The following DGCR8 variants were observed in gnomAD, a reference collection of about 807,000 sequenced individuals.
The protein encoded by DGCR8 is microprocessor complex subunit DGCR8.
Under a neutral mutation model 78.5 loss-of-function variants are expected in DGCR8, and 14 were observed. That is an observed-to-expected ratio of 0.18 (90% CI 0.12 to 0.28). DGCR8 has a LOEUF of 0.28. DGCR8 is among the 10% of genes least tolerant of loss of function. The pLI is 1.00. For missense variants in DGCR8, 702 were observed against 1,022.5 expected (o/e 0.69, Z 4.28); for synonymous variants, 399 against 402.4 (o/e 0.99, Z 0.10).
chr22:20,086,780 A>T lies in DGCR8; in HGVS notation c.720+97A>T, dbSNP rs1005684791. ...TTTGAAAGCAGGGAAATTAAAAAAA[A>T]AAAAAACAAAAACCAAAATCCCCTC... On this transcript the variant is annotated intron_variant, in intron 2 of 13. Coordinates refer to ENST00000351989, the MANE Select transcript of DGCR8 (RefSeq NM_022720.7). The surrounding 1 kb of genome is among the most constrained non-coding windows in gnomAD (Gnocchi z 6.4). The T allele has an allele frequency of 7.0e-7, 1 of 1,421,764 alleles. No individual in the cohort carries two copies. Among genetic ancestry groups the T allele is most frequent in the East Asian group, 2.3e-5 (1 of 43,580 alleles). The allele number at this position is 1,421,764 out of a possible 1,614,324, so 88.1% of individuals were successfully genotyped here.
chr22:20,092,297 C>T (rs1257118003), intron 7 of DGCR8, among the ~76,000 whole-genome samples: 1 of 152,182 alleles, frequency 6.6e-6, no homozygotes, highest in East Asian at 1.9e-4. Context: ...GGGTCCTTTC[C>T]CTGGTCTCCT....
chr22:20,111,359 T>A lies in DGCR8; in HGVS notation c.*1251T>A. On this transcript the variant is annotated 3_prime_UTR_variant, in exon 14 of 14. Coordinates refer to ENST00000351989, the MANE Select transcript of DGCR8 (RefSeq NM_022720.7). Reference sequence around the variant, plus strand: ...CCATGCCCCCTACAGGCGGTACTGATGGCGCTTTTTTTTTTTTTTCTGTCA... The same window carrying A: ...CCATGCCCCCTACAGGCGGTACTGAAGGCGCTTTTTTTTTTTTTTCTGTCA... 2.6e-6 allele frequency: 1 copy of A among 388,094 alleles called. No individual in the cohort carries two copies. Among genetic ancestry groups the A allele is most frequent in the East Asian group, 3.7e-5 (1 of 27,288 alleles). 24.0% of individuals were successfully genotyped at this position (388,094 alleles called of 1,614,324 possible).
At chr22:20,107,808 T>C in intron 12 of DGCR8, 1 of 240,508 alleles carries the variant, frequency 4.2e-6, no homozygotes, top group East Asian at 9.6e-5. Context: ...CCAGTGCCGG[T>C]CCATCTCTAA....
At position 20,091,642 on chromosome 22, in the gene DGCR8, T is replaced by G. The variant is rs1175155669; in HGVS notation, c.1504+10T>G. 1 of 1,611,930 alleles carries G rather than the reference T, an allele frequency of 6.2e-7. No individual in the cohort carries two copies. The highest frequency in any genetic ancestry group is 1.3e-5 in the African/African-American group (1 of 74,874). ...GCACCCACAAAGAAAGGTATAAGCCTCTGCATTTTAACATCAGCAGACTGG... is the reference window on the plus strand; with the variant it reads ...GCACCCACAAAGAAAGGTATAAGCCGCTGCATTTTAACATCAGCAGACTGG... On this transcript the variant is annotated intron_variant, in intron 6 of 13. Coordinates refer to ENST00000351989, the MANE Select transcript of DGCR8 (RefSeq NM_022720.7).
At chr22:20,084,887 A>T (rs2049461107) in intron 1 of DGCR8, 1 of 781,176 alleles carries the variant, frequency 1.3e-6, no homozygotes, top group Non-Finnish European at 1.6e-6. Flanking sequence ...CTCCCCTCTC[A>T]AGTAGGAACC....
At chr22:20,096,863 C>CTGAGAGTTTT (rs1239892146) in intron 9 of DGCR8, among the ~76,000 whole-genome samples, 2 of 152,080 alleles carry the variant, frequency 1.3e-5, no homozygotes, top group Non-Finnish European at 2.9e-5. Flanking sequence ...TCCTGGTTTG[C>CTGAGAGTTTT]TGAGAGTTTT....
chr22:20,105,133 A>G (rs1324230809), intron 9 of DGCR8, among the ~76,000 whole-genome samples: 1 of 152,214 alleles, frequency 6.6e-6, no homozygotes, highest in East Asian at 1.9e-4. Flanking sequence ...ACATGAGATC[A>G]CACTGAAGCA....
intron 5 of DGCR8, 116 bp from the exon 6 acceptor site, chr22:20,091,319 G>A (rs575116026): frequency 2.9e-5 from 29 of 1,013,164 alleles, no homozygotes; most frequent in Non-Finnish European, 4.2e-5. Flanking sequence ...CTTTGAAAGG[G>A]ACGGGGAAAG....
Position 20,111,498 on chromosome 22 carries a change from A to AT in DGCR8, c.*1391dup, listed in dbSNP as rs1568965444. On this transcript the variant is annotated 3_prime_UTR_variant, in exon 14 of 14. Coordinates refer to ENST00000351989, the MANE Select transcript of DGCR8 (RefSeq NM_022720.7). ...AAAGAAACCCTCAACTCAAATTGCT[A>AT]TAATTAGACACTTGCTTCTGTCTTG... The AT allele has an allele frequency of 5.0e-6, 2 of 398,100 alleles. No individual in the cohort carries two copies. Among genetic ancestry groups the AT allele is most frequent in the East Asian group, 3.6e-5 (1 of 28,076 alleles). The allele number at this position is 398,100 out of a possible 1,614,324, so 24.7% of individuals were successfully genotyped here. A position where few individuals can be genotyped will look rare whatever the true frequency, so the allele number is the denominator to read the frequency against.
chr22:20,089,362 C>G lies in DGCR8; in HGVS notation c.881-307C>G, dbSNP rs2049526146. Among the ~76,000 whole-genome samples, 1 of 152,188 alleles carries G rather than the reference C, an allele frequency of 6.6e-6. No individual in the cohort carries two copies. Among genetic ancestry groups the G allele is most frequent in the Admixed American group, 6.5e-5 (1 of 15,276 alleles). On this transcript the variant is annotated intron_variant, in intron 3 of 13. Coordinates refer to ENST00000351989, the MANE Select transcript of DGCR8 (RefSeq NM_022720.7). The surrounding 1 kb of genome is among the most constrained non-coding windows in gnomAD (Gnocchi z 4.9). ...ACAACCAGACAGGCAGCAAAGGAGT[C>G]CAGTGTCCACAGTGCTTACCAGATG...
At chr22:20,090,763 C>T (rs187286553) in intron 5 of DGCR8, among the ~76,000 whole-genome samples, 82 of 152,304 alleles carry the variant, frequency 5.4e-4, no homozygotes, top group Non-Finnish European at 1.0e-3. Flanking sequence ...AGCCTAGTCC[C>T]GCCATTTAAG....
intron 11 of DGCR8, 91 bp downstream of exon 11, chr22:20,106,789 C>A: frequency 1.1e-6 from 1 of 902,356 alleles, no homozygotes. Context: ...CAGCTGTTGC[C>A]CTGGCATTGT....
chr22:20,107,244 C>T, intron 11 of DGCR8, 27 bp from the exon 12 acceptor site: 3 of 1,613,992 alleles, frequency 1.9e-6, no homozygotes, highest in Non-Finnish European at 2.5e-6. Context: ...GTGACCCCCT[C>T]TCCATGCTTG....
chr22:20,089,915 A>T lies in DGCR8; in HGVS notation c.1024-61A>T, dbSNP rs2049532188. On this transcript the variant is annotated intron_variant, in intron 4 of 13. Coordinates refer to ENST00000351989, the MANE Select transcript of DGCR8 (RefSeq NM_022720.7). The surrounding 1 kb of genome is among the most constrained non-coding windows in gnomAD (Gnocchi z 4.9). ...AGCCAAGCAGAGGCCGGTGAAAGGC[A>T]TCAGAGTTTCAGACTCTCGGGTTGT... is the stretch of plus-strand genomic sequence containing the variant. 2 of 1,586,698 alleles carry T rather than the reference A, an allele frequency of 1.3e-6. No individual in the cohort carries two copies. The highest frequency in any genetic ancestry group is 1.7e-6 in the Non-Finnish European group (2 of 1,164,446).
At chr22:20,093,989 AAG>A (rs970598606) in intron 8 of DGCR8, among the ~76,000 whole-genome samples, 2 of 152,002 alleles carry the variant, frequency 1.3e-5, no homozygotes, top group Non-Finnish European at 2.9e-5. Context: ...CAGCTCAACA[AAG>A]GGGGTGTGGT....
At chr22:20,102,800 T>A (rs2049718961) in intron 9 of DGCR8, among the ~76,000 whole-genome samples, 1 of 152,210 alleles carries the variant, frequency 6.6e-6, no homozygotes, top group Non-Finnish European at 1.5e-5. Flanking sequence ...GCTCCTTTGC[T>A]GTTCCATGTA....
In DGCR8 at chr22:20,085,064, C is replaced by G. The variant is rs1465153281; in HGVS notation, c.-277-623C>G. 17 of 982,220 alleles carry G rather than the reference C, an allele frequency of 1.7e-5. No homozygotes were observed. The highest frequency in any genetic ancestry group is 1.2e-6 in the Non-Finnish European group (1 of 827,138). The allele number at this position is 982,220 out of a possible 1,614,324, so 60.8% of individuals were successfully genotyped here. On this transcript the variant is annotated intron_variant, in intron 1 of 13. Transcript: ENST00000351989. This position sits in a 1 kb window ranked among gnomAD's most constrained non-coding sequence, Gnocchi z 6.2. ...CCCTTCCCCACAGCCACCCACCCCT[C>G]TCCTCCATCGGGAACAGAACTATGC... is the stretch of plus-strand genomic sequence containing the variant.
chr22:20,091,373 G>A, intron 5 of DGCR8, 62 bp from the exon 6 acceptor site: 1 of 1,569,508 alleles, frequency 6.4e-7, no homozygotes, highest in Non-Finnish European at 8.8e-7. Flanking sequence ...GCACTGGGCT[G>A]TGAGAACCTG....
intron 9 of DGCR8, among the ~76,000 whole-genome samples, chr22:20,105,646 G>A (rs1331322910): frequency 2.0e-5 from 3 of 152,226 alleles, no homozygotes; most frequent in African/African-American, 7.2e-5. Flanking sequence ...CCAGGGTGAT[G>A]ACACTGTTGG....
Sources: gnomAD v4.1 joint callset for allele counts (sites outside exome capture counted in the v4.1 genomes callset) on GRCh38, gnomAD v4.1.1 for gene constraint, Gnocchi (gnomAD v3.1) non-coding constraint, MANE v1.5 for transcripts, NCBI Gene and HGNC (gene_info 2026-07-23, HGNC 2026-07-21) for gene names.